The following ATP7B variants were observed in gnomAD, a reference collection of about 807,000 sequenced individuals.
ATP7B encodes ATPase copper transporting beta, also known as copper-transporting ATPase 2.
A neutral mutation model predicts 118.9 loss-of-function variants in ATP7B; 113 were observed. That is an observed-to-expected ratio of 0.95 (90% CI 0.82 to 1.11). The LOEUF (loss-of-function observed/expected upper bound fraction) is 1.11, where lower values mean the gene tolerates loss of function less well. ATP7B is among the 50% of genes most tolerant of loss of function. The pLI, the probability that ATP7B is intolerant of heterozygous loss-of-function variation, is 0.00. For synonymous variants in ATP7B, 777 were observed against 727.4 expected (o/e 1.07, Z -1.10); for missense variants, 1,867 against 1,871.4 (o/e 1.00, Z 0.04).
intron 16 of ATP7B, among the ~76,000 whole-genome samples, chr13:51,940,042 C>T (rs886135009): frequency 4.3e-5 from 5 of 115,830 alleles, no homozygotes; most frequent in South Asian, 6.1e-4. Flanking sequence ...GACAGAGTTA[C>T]GCTCTTGTTG....
In ATP7B at chr13:51,974,336, T is replaced by G. The variant is rs1053172875; in HGVS notation, c.884A>C (p.Lys295Thr). 6.2e-6 allele frequency: 10 copies of G among 1,614,102 alleles called. No individual in the cohort carries two copies. Among genetic ancestry groups the G allele is most frequent in the Non-Finnish European group, 8.5e-6 (10 of 1,180,038 alleles). ...VQSIQVSLEN[K>T]TAQVKYDPSC... ...AGGGTCATACTTTACTTGGGCAGTTTTGTTCTCCAAGGACACTTGAATACT... is the reference window on the plus strand; with the variant it reads ...AGGGTCATACTTTACTTGGGCAGTTGTGTTCTCCAAGGACACTTGAATACT... Residue 295 changes from lysine (K) to threonine (T), a missense_variant, in exon 2 of 21, where the codon AAA (lysine) becomes ACA (threonine). Physicochemically the swap from Lys to Thr is moderately conservative, Grantham distance 78. Transcript: ENST00000242839.
chr13:51,970,543 T>G lies in ATP7B; in HGVS notation c.1492A>C (p.Thr498Pro). 6.2e-7 allele frequency: 1 copy of G among 1,614,174 alleles called. No homozygotes were observed. Among genetic ancestry groups the G allele is most frequent in the African/African-American group, 1.3e-5 (1 of 75,042 alleles). ...QKCFLQIKGM[T>P]CASCVSNIER... ...ATGTTAGACACACAGGATGCACAGGTCATGCCTTTGATCTGTAAGAAGCAC... is the reference window on the plus strand; with the variant it reads ...ATGTTAGACACACAGGATGCACAGGGCATGCCTTTGATCTGTAAGAAGCAC... Residue 498 changes from threonine (T) to proline (P), a missense_variant, in exon 3 of 21, where the codon ACC becomes CCC. By Grantham distance (38) the Thr-to-Pro change is conservative (BLOSUM62 -1). Coordinates refer to ENST00000242839, the MANE Select transcript of ATP7B (RefSeq NM_000053.4).
At chr13:51,960,117 G>A in intron 7 of ATP7B, 31 bp downstream of exon 7, 1 of 1,602,024 alleles carries the variant, frequency 6.2e-7, no homozygotes, top group East Asian at 2.2e-5. Context: ...CAGCATGGAA[G>A]GGAGAGGTCT....
At chr13:51,948,582 T>C (rs1220450966) in intron 12 of ATP7B, among the ~76,000 whole-genome samples, 4 of 152,206 alleles carry the variant, frequency 2.6e-5, no homozygotes, top group African/African-American at 7.2e-5. Context: ...CTACTGACAT[T>C]TGGGGCCAGA....
Position 51,974,740 on chromosome 13 carries a change from G to T in ATP7B, c.480C>A (p.Ser160=), listed in dbSNP as rs1952021605. Residue 160 remains serine, a synonymous_variant, in exon 2 of 21, where the codon TCC becomes TCA. Coordinates refer to ENST00000242839, the MANE Select transcript of ATP7B (RefSeq NM_000053.4). ...GCAGTTTCCGGACCTTGCCTTCAAT[G>T]GAGCTGACACAGGACTGGCAGGTCA... ...EGMTCQSCVS[S]IEGKVRKLQG... 2 of 1,614,084 alleles carry T rather than the reference G, an allele frequency of 1.2e-6. No homozygotes were observed. Among genetic ancestry groups the T allele is most frequent in the East Asian group, 4.5e-5 (2 of 44,874 alleles).
Position 51,970,680 on chromosome 13 carries a change from G to A in ATP7B, c.1355C>T (p.Thr452Ile). 1 of 1,613,926 alleles carries A rather than the reference G, an allele frequency of 6.2e-7. No individual in the cohort carries two copies. The highest frequency in any genetic ancestry group is 8.5e-7 in the Non-Finnish European group (1 of 1,179,786). Residue 452 changes from threonine (T) to isoleucine (I), a missense_variant, in exon 3 of 21, where the codon ACA (threonine) becomes ATA (isoleucine). Physicochemically the swap from Thr to Ile is moderately conservative, Grantham distance 89. Coordinates refer to ENST00000242839, the MANE Select transcript of ATP7B (RefSeq NM_000053.4). ...AGCCACTTCCTGCACAGATGTAGGT[G>A]TACCATCTGTAGTTTGCACCATGGA... is the stretch of plus-strand genomic sequence containing the variant. Reference protein sequence around the residue: ...GNSMVQTTDGTPTSVQEVAPH... With the variant: ...GNSMVQTTDGIPTSVQEVAPH...
At chr13:51,990,083 C>T (rs1458982705) in intron 1 of ATP7B, among the ~76,000 whole-genome samples, 1 of 151,628 alleles carries the variant, frequency 6.6e-6, no homozygotes, top group African/African-American at 2.4e-5. Context: ...TCTAATAAAT[C>T]TTTTTTAAAA....
rs540461959 is a variant in ATP7B, at chr13:51,965,135, C to T, written c.1708-102G>A. On this transcript the variant is annotated intron_variant, in intron 4 of 20. Transcript: ENST00000242839. ...GTAACAGGCAGCCAAGAGCCTTTCC[C>T]TCCTCAGCACTGCTCTCAAGACCCT... The T allele has an allele frequency of 1.8e-5, 25 of 1,408,596 alleles. No individual in the cohort carries two copies. The Admixed American group carries it at 3.4e-4, about 19-fold the overall frequency. 87.3% of individuals were successfully genotyped at this position (1,408,596 alleles called of 1,614,324 possible).
chr13:51,958,779 C>A (rs565423038), intron 7 of ATP7B: 14 of 543,476 alleles, frequency 2.6e-5, no homozygotes, highest in East Asian at 6.4e-5. Flanking sequence ...GCTTACAACA[C>A]AAATGTCCTC....
In ATP7B at chr13:51,950,415, C is replaced by T. The variant is rs778466134; in HGVS notation, c.2448-16G>A. 17 of 1,613,562 alleles carry T rather than the reference C, an allele frequency of 1.1e-5. No homozygotes were observed. Among genetic ancestry groups the T allele is most frequent in the Non-Finnish European group, 1.4e-5 (16 of 1,180,052 alleles). ...TTGCTCCTCCCTGCAACAAACGCCA[C>T]TTATCACTCACATGGCCACTCATTC... On this transcript the variant is annotated splice_polypyrimidine_tract_variant and intron_variant, in intron 9 of 20. Transcript: ENST00000242839.
chr13:51,935,064 T>G (rs1566431787), intron 20 of ATP7B, 35 bp from the exon 21 acceptor site: 3 of 1,612,500 alleles, frequency 1.9e-6, no homozygotes, highest in Non-Finnish European at 2.5e-6. Context: ...TCTGAGCCAT[T>G]CTAGAAACAA....
In ATP7B at chr13:51,949,555, G is replaced by A. The variant is rs763624420; in HGVS notation, c.2865+107C>T. On this transcript the variant is annotated intron_variant, in intron 12 of 20. Coordinates refer to ENST00000242839, the MANE Select transcript of ATP7B (RefSeq NM_000053.4). ...AATAAGAGAAGCAAGCAAATAAAAT[G>A]TAATGAATAATTAAAGCCCAGTGAA... The A allele has an allele frequency of 3.2e-4, 479 of 1,498,408 alleles. 1 individual carries two copies. Among genetic ancestry groups the A allele is most frequent in the Non-Finnish European group, 4.3e-4 (465 of 1,087,470 alleles). The allele number at this position is 1,498,408 out of a possible 1,614,324, so 92.8% of individuals were successfully genotyped here.
chr13:51,960,387 T>C, intron 6 of ATP7B, 65 bp from the exon 7 acceptor site: 2 of 1,567,306 alleles, frequency 1.3e-6, no homozygotes, highest in Non-Finnish European at 1.7e-6. Flanking sequence ...TACAAGCCAC[T>C]CCCCTTCTGA....
At chr13:51,949,310 T>C (rs1266717997) in intron 12 of ATP7B, among the ~76,000 whole-genome samples, 2 of 152,224 alleles carry the variant, frequency 1.3e-5, no homozygotes, top group Non-Finnish European at 2.9e-5. Context: ...TAAATAATAT[T>C]ATCATGCCAT....
chr13:52,000,752 G>A (rs915500426), intron 1 of ATP7B, among the ~76,000 whole-genome samples: 5 of 152,198 alleles, frequency 3.3e-5, no homozygotes, highest in Non-Finnish European at 5.9e-5. Flanking sequence ...CAGGTGCAGG[G>A]GCTCATGCCT....
At chr13:51,939,710 A>G (rs1423414633) in intron 16 of ATP7B, among the ~76,000 whole-genome samples, 1 of 152,200 alleles carries the variant, frequency 6.6e-6, no homozygotes, top group Non-Finnish European at 1.5e-5. Context: ...GAATGAGAAC[A>G]GAGTAAGGGA....
At chr13:51,943,210 T>C (rs1224787035) in intron 14 of ATP7B, among the ~76,000 whole-genome samples, 1 of 152,182 alleles carries the variant, frequency 6.6e-6, no homozygotes, top group Non-Finnish European at 1.5e-5. Flanking sequence ...CCTCACTTTA[T>C]GACAACCTAG....
chr13:52,009,448 C>A (rs1025177315), intron 1 of ATP7B, among the ~76,000 whole-genome samples: 2 of 152,188 alleles, frequency 1.3e-5, no homozygotes, highest in Admixed American at 6.5e-5. Flanking sequence ...CAGGTCTCCT[C>A]TTCTCTCCCT....
At chr13:51,973,889 G>C (rs769277843) in intron 2 of ATP7B, 46 bp downstream of exon 2, 7 of 1,613,460 alleles carry the variant, frequency 4.3e-6, no homozygotes, top group South Asian at 1.1e-5. Flanking sequence ...AAGACACAAA[G>C]AGAAAAGGAG....
Sources: allele counts gnomAD v4.1 joint callset (sites outside exome capture counted in the v4.1 genomes callset), GRCh38; gene constraint gnomAD v4.1.1; transcripts MANE v1.5; gene names NCBI Gene and HGNC (gene_info 2026-07-23, HGNC 2026-07-21).